The following DACH1 variants were observed in gnomAD, a reference collection of about 807,000 sequenced individuals.
DACH1 encodes dachshund family transcription factor 1.
In DACH1, 12 loss-of-function variants were observed where a neutral mutation model predicts 54.2. That is an observed-to-expected ratio of 0.22 (90% confidence interval 0.14 to 0.36). DACH1 has a LOEUF of 0.36. DACH1 is among the 10% of genes least tolerant of loss of function. DACH1 has a pLI of 1.00. For missense variants in DACH1, 805 were observed against 929.8 expected (o/e 0.87, Z 1.75); for synonymous variants, 386 against 366.2 (o/e 1.05, Z -0.62).
At chr13:71,728,388 C>G (rs369915383) in intron 1 of DACH1, among the ~76,000 whole-genome samples, 1 of 151,798 alleles carries the variant, frequency 6.6e-6, no homozygotes, top group East Asian at 1.9e-4. Flanking sequence ...CCAAAGACAC[C>G]TTTTGGTTGA....
At chr13:71,528,928 T>G (rs1882206689) in intron 6 of DACH1, among the ~76,000 whole-genome samples, 1 of 152,164 alleles carries the variant, frequency 6.6e-6, no homozygotes, top group South Asian at 2.1e-4. Flanking sequence ...GGTATTAATA[T>G]TAGAGAATAT....
intron 8 of DACH1, among the ~76,000 whole-genome samples, chr13:71,478,885 TTCTTA>T (rs922145582): frequency 1.3e-5 from 2 of 152,204 alleles, no homozygotes; most frequent in Admixed American, 6.5e-5. Context: ...TTAGAGTTTA[TTCTTA>T]TCTTAAAGAA....
At chr13:71,677,122 G>GGGGA (rs137969485) in intron 2 of DACH1, among the ~76,000 whole-genome samples, 12,229 of 152,144 alleles carry the variant, frequency 0.08, 1,355 homozygotes, top group African/African-American at 0.26. Context: ...CTGGACAAGA[G>GGGGA]GGGAGTATTT....
At chr13:71,462,453 T>G (rs931832746) in intron 10 of DACH1, among the ~76,000 whole-genome samples, 10 of 151,872 alleles carry the variant, frequency 6.6e-5, no homozygotes, top group African/African-American at 2.4e-4. Flanking sequence ...CTGGAAAATC[T>G]GGTGAATATT....
chr13:71,838,227 A>G (rs1888874743), intron 1 of DACH1, among the ~76,000 whole-genome samples: 1 of 152,144 alleles, frequency 6.6e-6, no homozygotes, highest in Non-Finnish European at 1.5e-5. Flanking sequence ...AAGTTAATAG[A>G]TGATTTAAAG....
rs145599358 is a variant in DACH1, at chr13:71,519,342, G to A, written c.1571-30194C>T. Among the ~76,000 whole-genome samples the A allele has an allele frequency of 2.9e-3, 441 of 151,876 alleles. 3 individuals carry two copies. The highest frequency in any genetic ancestry group is 9.6e-3 in the African/African-American group (398 of 41,498). On this transcript the variant is annotated intron_variant, in intron 6 of 10. Transcript: ENST00000613252. Reference sequence around the variant, plus strand: ...ATTTAAACTTTCAAACAAATCACAAGTGAGTTTTTGGCACCTAATCTGTTG... The same window carrying A: ...ATTTAAACTTTCAAACAAATCACAAATGAGTTTTTGGCACCTAATCTGTTG...
At chr13:71,717,282 T>C (rs1364533101) in intron 1 of DACH1, among the ~76,000 whole-genome samples, 3 of 152,192 alleles carry the variant, frequency 2.0e-5, no homozygotes, top group African/African-American at 7.2e-5. Flanking sequence ...TAAAATTCTT[T>C]CAACAAGAAA....
chr13:71,830,192 C>G (rs1205411244), intron 1 of DACH1, among the ~76,000 whole-genome samples: 4 of 151,700 alleles, frequency 2.6e-5, no homozygotes. Context: ...CAGAAAATAT[C>G]TGAGAGGTTG....
chr13:71,817,890 C>CTGCAACCT (rs1339521466), intron 1 of DACH1, among the ~76,000 whole-genome samples: 1 of 147,240 alleles, frequency 6.8e-6, no homozygotes, highest in Non-Finnish European at 1.5e-5. Flanking sequence ...TCTCGGCTCA[C>CTGCAACCT]TGCAACCTCT....
chr13:71,776,370 T>C (rs1886066206), intron 1 of DACH1, among the ~76,000 whole-genome samples: 1 of 152,148 alleles, frequency 6.6e-6, no homozygotes. Flanking sequence ...CCATGGCTAA[T>C]TTTGACATGT....
At chr13:71,646,660 A>G (rs1566403516) in intron 2 of DACH1, among the ~76,000 whole-genome samples, 1 of 152,236 alleles carries the variant, frequency 6.6e-6, no homozygotes, top group Non-Finnish European at 1.5e-5. Flanking sequence ...CACACTAAAT[A>G]TATCTAAAAA....
chr13:71,799,141 T>C (rs1887184427), intron 1 of DACH1, among the ~76,000 whole-genome samples: 1 of 152,114 alleles, frequency 6.6e-6, no homozygotes, highest in African/African-American at 2.4e-5. Flanking sequence ...TTATTTACAC[T>C]GTCTAAAAGT....
chr13:71,504,768 A>G (rs1880182196), intron 6 of DACH1, among the ~76,000 whole-genome samples: 1 of 152,158 alleles, frequency 6.6e-6, no homozygotes, highest in Admixed American at 6.5e-5. Context: ...TGGCATGTTC[A>G]ATGTATATCA....
In DACH1 at chr13:71,440,156, AT is replaced by A. The variant is rs567972345; in HGVS notation, c.*498del. 0.032 allele frequency: 4,515 copies of A among 142,758 alleles called. 225 individuals carry two copies. The highest frequency in any genetic ancestry group is 0.11 in the African/African-American group (4,153 of 39,208). 8.8% of individuals were successfully genotyped at this position (142,758 alleles called of 1,614,324 possible). A position where few individuals can be genotyped will look rare whatever the true frequency, so the allele number is the denominator to read the frequency against. On this transcript the variant is annotated 3_prime_UTR_variant, in exon 11 of 11. Coordinates refer to ENST00000613252, the MANE Select transcript of DACH1 (RefSeq NM_080759.6). Reference sequence around the variant, plus strand: ...GAATGTAACAGAAAATCACTCTTGCATTTTTTTTTTTCAAGAATCCTCTATG... The same window carrying A: ...GAATGTAACAGAAAATCACTCTTGCATTTTTTTTTTCAAGAATCCTCTATG...
intron 3 of DACH1, among the ~76,000 whole-genome samples, chr13:71,616,525 T>C (rs1218966155): frequency 6.6e-6 from 1 of 151,988 alleles, no homozygotes; most frequent in Non-Finnish European, 1.5e-5. Flanking sequence ...GAGGGGAGGA[T>C]CGTTTGAGGC....
intron 4 of DACH1, among the ~76,000 whole-genome samples, chr13:71,566,896 T>C (rs2138400130): frequency 6.6e-6 from 1 of 152,294 alleles, no homozygotes; most frequent in East Asian, 1.9e-4. Flanking sequence ...TAAACTATTC[T>C]GTAACTAAAA....
At chr13:71,667,587 A>G (rs1879924759) in intron 2 of DACH1, among the ~76,000 whole-genome samples, 1 of 152,302 alleles carries the variant, frequency 6.6e-6, no homozygotes, top group Admixed American at 6.5e-5. Flanking sequence ...TTTATTATAG[A>G]TGATTGATGT....
intron 1 of DACH1, among the ~76,000 whole-genome samples, chr13:71,814,171 T>C (rs1485754693): frequency 6.6e-6 from 1 of 152,210 alleles, no homozygotes; most frequent in Non-Finnish European, 1.5e-5. Flanking sequence ...AAAGTCTGGT[T>C]TGTCCAAATG....
intron 10 of DACH1, among the ~76,000 whole-genome samples, chr13:71,443,871 A>G (rs1874218528): frequency 6.6e-6 from 1 of 152,200 alleles, no homozygotes; most frequent in Admixed American, 6.5e-5. Context: ...TAATTTAGGT[A>G]AAAATTTATT....
Sources: gnomAD v4.1 joint callset for allele counts (sites outside exome capture counted in the v4.1 genomes callset) on GRCh38, gnomAD v4.1.1 for gene constraint, MANE v1.5 for transcripts, NCBI Gene and HGNC (gene_info 2026-07-23, HGNC 2026-07-21) for gene names.